The following ELN variants were observed in gnomAD, a reference collection of about 807,000 sequenced individuals.
ELN encodes the protein tropoelastin.
Under a neutral mutation model 105.8 loss-of-function variants are expected in ELN, and 65 were observed. The ratio of observed to expected loss-of-function variants is 0.61; its 90% CI spans 0.50 to 0.75. The LOEUF (loss-of-function observed/expected upper bound fraction) is 0.75, where lower values mean the gene tolerates loss of function less well. Among genes scored for constraint, ELN ranks in the 30% least tolerant of loss-of-function variants. The pLI is 0.00. For missense variants in ELN, 882 were observed against 969.4 expected, an observed-to-expected ratio of 0.91 and a Z score of 1.20; for synonymous variants, 368 against 389.2, an observed-to-expected ratio of 0.95 and a Z score of 0.64.
chr7:74,045,182 A>G, intron 9 of ELN, 40 bp from the exon 10 acceptor site: 1 of 1,612,628 alleles, frequency 6.2e-7, no homozygotes, highest in Non-Finnish European at 8.5e-7. Flanking sequence ...AGGGCCTGCA[A>G]GGCCTGCCTT....
At chr7:74,033,624 G>C (rs550081951) in intron 1 of ELN, among the ~76,000 whole-genome samples, 5 of 152,254 alleles carry the variant, frequency 3.3e-5, no homozygotes, top group African/African-American at 2.4e-5. Flanking sequence ...CGGGGTCTTG[G>C]CTCCGGTGGC....
intron 9 of ELN, 112 bp downstream of exon 9, chr7:74,044,032 G>A: frequency 4.8e-6 from 7 of 1,444,232 alleles, no homozygotes; most frequent in Non-Finnish European, 5.7e-6. Context: ...GATGGCTTGA[G>A]GCCAGGAGTT....
intron 9 of ELN, among the ~76,000 whole-genome samples, chr7:74,044,852 C>A (rs187316644): frequency 1.6e-4 from 24 of 152,312 alleles, no homozygotes; most frequent in Admixed American, 1.4e-3. Flanking sequence ...AGCGAGAGCC[C>A]CAGAGAGCAT....
Position 74,053,241 on chromosome 7 carries a change from G to A in ELN, c.1028G>A (p.Gly343Asp), listed in dbSNP as rs181231316. The change falls in exon 18 of 33, where the codon GGT becomes GAT. Residue 343 changes from glycine to aspartate, a missense_variant. Physicochemically the swap from Gly to Asp is moderately conservative, Grantham distance 94 (BLOSUM62 -1). Transcript: ENST00000252034. ...VVGVPGAGVP[G>D]VGVPGAGIPV... ...GGTGTCCCAGGAGCTGGCGTTCCAGGTGTTGGTGTCCCAGGAGCTGGGATT... is the reference window on the plus strand; with the variant it reads ...GGTGTCCCAGGAGCTGGCGTTCCAGATGTTGGTGTCCCAGGAGCTGGGATT... 6.8e-6 allele frequency: 11 copies of A among 1,614,104 alleles called. No individual in the cohort carries two copies. The highest frequency in any genetic ancestry group is 5.3e-5 in the African/African-American group (4 of 75,006).
In ELN at chr7:74,069,189, G is replaced by T. The variant is rs886062432; in HGVS notation, c.*489G>T. 21 of 249,094 alleles carry T rather than the reference G, an allele frequency of 8.4e-5. No individual in the cohort carries two copies. The East Asian group carries it at 1.0e-3, about 12-fold the overall frequency. The allele number at this position is 249,094 out of a possible 1,614,324, so 15.4% of individuals were successfully genotyped here. ...GTACCCAAGCACCTGAAGCCTCAAA[G>T]CTGGATTCGCTCTAGCATCCCTCCT... On this transcript the variant is annotated 3_prime_UTR_variant, in exon 33 of 33. Coordinates refer to ENST00000252034, the MANE Select transcript of ELN (RefSeq NM_000501.4).
At position 74,056,265 on chromosome 7, in the gene ELN, C is replaced by T; in HGVS notation, c.1151-6C>T. On this transcript the variant is annotated splice_region_variant and splice_polypyrimidine_tract_variant and intron_variant, in intron 19 of 32. Coordinates refer to ENST00000252034, the MANE Select transcript of ELN (RefSeq NM_000501.4). ...TCTTTTCTACTTGGCTCCCTTCCCT[C>T]TGCAGGGGCCAGGCCCGGAGTCGGA... The T allele has an allele frequency of 6.2e-7, 1 of 1,614,254 alleles. No homozygotes were observed. The highest frequency in any genetic ancestry group is 1.7e-4 in the Middle Eastern group (1 of 6,060).
chr7:74,063,423 G>T lies in ELN; in HGVS notation c.1918+54G>T. 1 of 1,546,332 alleles carries T rather than the reference G, an allele frequency of 6.5e-7. No homozygotes were observed. Among genetic ancestry groups the T allele is most frequent in the Middle Eastern group, 2.3e-4 (1 of 4,410 alleles). On this transcript the variant is annotated intron_variant, in intron 28 of 32. Transcript: ENST00000252034. The surrounding 1 kb of genome is among the most constrained non-coding windows in gnomAD (Gnocchi z 4.1). The stretch of plus-strand genomic sequence containing the variant: ...CGCCAGGCCCCCAGGCCCCCAGGGT[G>T]TGGGAGGAGCTTCTGACCAGGCACT...
chr7:74,066,976 A>G (rs529843794), intron 32 of ELN, among the ~76,000 whole-genome samples, 200 bp downstream of exon 32: 111 of 152,320 alleles, frequency 7.3e-4, no homozygotes, highest in African/African-American at 2.6e-3. Context: ...AACACAGGGA[A>G]CATTTGCTTT....
chr7:74,060,187 G>A lies in ELN; in HGVS notation c.1621+3G>A, dbSNP rs1554683346. Reference sequence around the variant, plus strand: ...GGTGGCTGCCAAAGCCCAGCTCCGTGAGTGCCTCGCCCACCTTTCTCTCCT... The same window carrying A: ...GGTGGCTGCCAAAGCCCAGCTCCGTAAGTGCCTCGCCCACCTTTCTCTCCT... On this transcript the variant is annotated splice_donor_region_variant and intron_variant, in intron 24 of 32. Coordinates refer to ENST00000252034, the MANE Select transcript of ELN (RefSeq NM_000501.4). 1 of 1,614,064 alleles carries A rather than the reference G, an allele frequency of 6.2e-7. No individual in the cohort carries two copies.
At chr7:74,036,859 C>T (rs1403261201) in intron 3 of ELN, among the ~76,000 whole-genome samples, 1 of 152,126 alleles carries the variant, frequency 6.6e-6, no homozygotes, top group African/African-American at 2.4e-5. Context: ...CTCGTTCTGT[C>T]GCCCAGGCTG....
intron 12 of ELN, 38 bp downstream of exon 12, chr7:74,046,805 C>T (rs782708894): frequency 6.8e-6 from 11 of 1,609,112 alleles, no homozygotes; most frequent in African/African-American, 1.3e-5. Context: ...ACCACTCGGC[C>T]GGGTGTGGTG....
chr7:74,063,561 G>A lies in ELN; in HGVS notation c.1919-60G>A. ...CAGAGGACACCTCCGCCCTCCACAG[G>A]CCGAGGCTTCAGTCCCACCTTTCTG... On this transcript the variant is annotated intron_variant, in intron 28 of 32. Transcript: ENST00000252034. This position sits in a 1 kb window ranked among gnomAD's most constrained non-coding sequence, Gnocchi z 4.1. The A allele has an allele frequency of 6.2e-7, 1 of 1,613,586 alleles. No homozygotes were observed. Among genetic ancestry groups the A allele is most frequent in the South Asian group, 1.1e-5 (1 of 91,056 alleles).
chr7:74,069,375 TCCCCAGTTGACCG>T lies in ELN; in HGVS notation c.*679_*691del, dbSNP rs1798623863. Reference sequence around the variant, plus strand: ...TCATCCATCGGTCCGTCCATCCATGTCCCCAGTTGACCGCCCGGCACCACTAGCTGGCTGGGTG... The same window carrying T: ...TCATCCATCGGTCCGTCCATCCATGTCCCGGCACCACTAGCTGGCTGGGTG... On this transcript the variant is annotated 3_prime_UTR_variant, in exon 33 of 33. Coordinates refer to ENST00000252034, the MANE Select transcript of ELN (RefSeq NM_000501.4). 4.2e-6 allele frequency: 1 copy of T among 235,572 alleles called. No homozygotes were observed. Among genetic ancestry groups the T allele is most frequent in the Non-Finnish European group, 8.4e-6 (1 of 119,172 alleles). The allele number at this position is 235,572 out of a possible 1,614,324, so 14.6% of individuals were successfully genotyped here. A position where few individuals can be genotyped will look rare whatever the true frequency, so the allele number is the denominator to read the frequency against.
chr7:74,035,900 C>T (rs2131177324), intron 2 of ELN, among the ~76,000 whole-genome samples: 1 of 151,946 alleles, frequency 6.6e-6, no homozygotes, highest in East Asian at 1.9e-4. Context: ...AATAGCACCA[C>T]TGCACTGAAG....
intron 9 of ELN, among the ~76,000 whole-genome samples, chr7:74,044,971 G>T (rs1792122784): frequency 6.6e-6 from 1 of 152,226 alleles, no homozygotes; most frequent in African/African-American, 2.4e-5. Flanking sequence ...CCAGCATAGA[G>T]ATGAGGCTGA....
chr7:74,050,808 GA>G (rs1793874291), intron 15 of ELN, among the ~76,000 whole-genome samples: 1 of 152,138 alleles, frequency 6.6e-6, no homozygotes, highest in Non-Finnish European at 1.5e-5. Context: ...AGGAAAGTTA[GA>G]AAGGCTTCCC....
Position 74,063,166 on chromosome 7 carries a change from T to G in ELN, c.1800T>G (p.Pro600=). 2.5e-6 allele frequency: 4 copies of G among 1,607,558 alleles called. No homozygotes were observed. The highest frequency in any genetic ancestry group is 3.4e-6 in the Non-Finnish European group (4 of 1,178,144). ...CTCTCCCCGCAGGAGCAGCAGTGCC[T>G]GGGGTCCTTGGAGGGCTCGGGGCTC... ...AKAAKYGAAV[P]GVLGGLGALG... Residue 600 remains proline (P), a synonymous_variant, in exon 27 of 33, where the codon CCT becomes CCG. Coordinates refer to ENST00000252034, the MANE Select transcript of ELN (RefSeq NM_000501.4). The surrounding 1 kb of genome is among the most constrained non-coding windows in gnomAD (Gnocchi z 4.1).
At chr7:74,037,196 CTT>C (rs532604614) in intron 3 of ELN, among the ~76,000 whole-genome samples, 17 of 138,184 alleles carry the variant, frequency 1.2e-4, no homozygotes, top group African/African-American at 1.3e-4. Context: ...GCACCATCTT[CTT>C]TTTTTTTTTT....
intron 22 of ELN, 67 bp downstream of exon 22, chr7:74,057,763 T>C: frequency 6.4e-7 from 1 of 1,568,236 alleles, no homozygotes; most frequent in South Asian, 1.1e-5. Flanking sequence ...TGCTCTGGGG[T>C]CTGACCGCCC....
Sources: gnomAD v4.1 joint callset for allele counts (sites outside exome capture counted in the v4.1 genomes callset) on GRCh38, gnomAD v4.1.1 for gene constraint, Gnocchi (gnomAD v3.1) non-coding constraint, MANE v1.5 for transcripts, NCBI Gene and HGNC (gene_info 2026-07-23, HGNC 2026-07-21) for gene names.